The following NR3C2 variants were observed in gnomAD, a reference collection of about 807,000 sequenced individuals.
NR3C2 encodes the protein mineralocorticoid receptor.
In NR3C2, 15 loss-of-function variants were observed where a neutral mutation model predicts 86.4. That is an observed-to-expected ratio of 0.17 (90% confidence interval 0.12 to 0.27). The LOEUF is 0.27. Ranked by LOEUF, NR3C2 falls within the 10% of genes least tolerant of loss-of-function variation. The pLI is 1.00. For synonymous variants in NR3C2, 458 were observed against 450.5 expected, an observed-to-expected ratio of 1.02 and a Z score of -0.21; for missense variants, 960 against 1,195.6, an observed-to-expected ratio of 0.80 and a Z score of 2.91.
At chr4:148,281,844 A>C (rs1741261577) in intron 2 of NR3C2, among the ~76,000 whole-genome samples, 1 of 152,252 alleles carries the variant, frequency 6.6e-6, no homozygotes, top group Non-Finnish European at 1.5e-5. Context: ...GTACAAACAT[A>C]TGTAAAGATA....
chr4:148,119,935 A>G (rs935167082), intron 7 of NR3C2, among the ~76,000 whole-genome samples: 6 of 152,176 alleles, frequency 3.9e-5, no homozygotes, highest in Admixed American at 1.3e-4. Context: ...GGTTGGATGG[A>G]TGAAGGAATG....
At chr4:148,217,806 A>G (rs944996379) in intron 3 of NR3C2, among the ~76,000 whole-genome samples, 1 of 152,232 alleles carries the variant, frequency 6.6e-6, no homozygotes, top group African/African-American at 2.4e-5. Context: ...GCCTAGAGCT[A>G]TAAACTGAGA....
chr4:148,112,641 T>C (rs1053773709), intron 8 of NR3C2, among the ~76,000 whole-genome samples: 3 of 152,252 alleles, frequency 2.0e-5, no homozygotes, highest in Non-Finnish European at 2.9e-5. Flanking sequence ...AAACTATTTA[T>C]CACTGAGTTC....
intron 3 of NR3C2, among the ~76,000 whole-genome samples, chr4:148,201,496 T>C (rs1299061035): frequency 6.6e-6 from 1 of 152,198 alleles, no homozygotes; most frequent in African/African-American, 2.4e-5. Context: ...TTTTAACAAA[T>C]AAAAGAACTC....
At chr4:148,177,003 A>G (rs1003901791) in intron 4 of NR3C2, among the ~76,000 whole-genome samples, 7 of 152,194 alleles carry the variant, frequency 4.6e-5, no homozygotes, top group African/African-American at 1.7e-4. Context: ...CTGCCTTCAT[A>G]TTGTAGTTAA....
intron 2 of NR3C2, among the ~76,000 whole-genome samples, chr4:148,414,925 T>G (rs1046861725): frequency 3.3e-5 from 5 of 152,238 alleles, no homozygotes; most frequent in Admixed American, 3.3e-4. Flanking sequence ...ATGAAGTTAT[T>G]AACAGTATTA....
chr4:148,327,296 T>C (rs1221232715), intron 2 of NR3C2, among the ~76,000 whole-genome samples: 8 of 152,238 alleles, frequency 5.3e-5, no homozygotes, highest in Non-Finnish European at 1.2e-4. Context: ...AAGAAATATT[T>C]CAATTTCTGA....
intron 2 of NR3C2, among the ~76,000 whole-genome samples, chr4:148,297,984 G>C (rs1053283028): frequency 3.9e-5 from 6 of 151,970 alleles, no homozygotes; most frequent in African/African-American, 1.2e-4. Flanking sequence ...CTCAGGCACT[G>C]TTGGAAGGAG....
chr4:148,302,130 A>G (rs990566369), intron 2 of NR3C2, among the ~76,000 whole-genome samples: 1 of 152,186 alleles, frequency 6.6e-6, no homozygotes, highest in Non-Finnish European at 1.5e-5. Flanking sequence ...ATGGTTTACA[A>G]ACGCTATGGA....
intron 2 of NR3C2, among the ~76,000 whole-genome samples, chr4:148,336,481 TGGATAAATG>T (rs1202192513): frequency 2.6e-5 from 4 of 152,064 alleles, no homozygotes; most frequent in Non-Finnish European, 5.9e-5. Flanking sequence ...AATGGGAACT[TGGATAAATG>T]GGATAAATGG....
At chr4:148,329,451 C>T (rs1256132555) in intron 2 of NR3C2, among the ~76,000 whole-genome samples, 1 of 152,088 alleles carries the variant, frequency 6.6e-6, no homozygotes, top group African/African-American at 2.4e-5. Context: ...ATTCAAAGAA[C>T]AATTAGGATT....
chr4:148,399,699 C>T (rs1748046139), intron 2 of NR3C2, among the ~76,000 whole-genome samples: 1 of 152,010 alleles, frequency 6.6e-6, no homozygotes, highest in Non-Finnish European at 1.5e-5. Context: ...CACACACACA[C>T]ACACACACAC....
intron 4 of NR3C2, among the ~76,000 whole-genome samples, chr4:148,179,123 A>C (rs1735530110): frequency 6.6e-6 from 1 of 151,646 alleles, no homozygotes. Context: ...ATGAACAAAA[A>C]CCACAAAACG....
chr4:148,293,632 C>T (rs899909357), intron 2 of NR3C2, among the ~76,000 whole-genome samples: 2 of 152,132 alleles, frequency 1.3e-5, no homozygotes, highest in African/African-American at 4.8e-5. Context: ...CATTTGTATT[C>T]CATGTGAGTG....
chr4:148,410,638 C>A (rs1161244810), intron 2 of NR3C2, among the ~76,000 whole-genome samples: 1 of 152,102 alleles, frequency 6.6e-6, no homozygotes, highest in Admixed American at 6.5e-5. Flanking sequence ...AGGGACCTTT[C>A]ACTATAACTC....
At chr4:148,185,135 C>G (rs941224532) in intron 4 of NR3C2, among the ~76,000 whole-genome samples, 3 of 152,234 alleles carry the variant, frequency 2.0e-5, no homozygotes, top group African/African-American at 7.2e-5. Flanking sequence ...TACATTTACT[C>G]ATCAAATCTC....
chr4:148,326,455 A>C (rs1411926290), intron 2 of NR3C2, among the ~76,000 whole-genome samples: 2 of 152,022 alleles, frequency 1.3e-5, no homozygotes, highest in African/African-American at 2.4e-5. Flanking sequence ...TTTTTGAAGC[A>C]TCTGTATAAG....
At chr4:148,288,246 C>T (rs1741628886) in intron 2 of NR3C2, among the ~76,000 whole-genome samples, 1 of 152,192 alleles carries the variant, frequency 6.6e-6, no homozygotes, top group Admixed American at 6.5e-5. Context: ...TAATACCTAC[C>T]TCATAAGGAT....
At chr4:148,385,156 G>C (rs72656882) in intron 2 of NR3C2, among the ~76,000 whole-genome samples, 1 of 152,148 alleles carries the variant, frequency 6.6e-6, no homozygotes, top group Non-Finnish European at 1.5e-5. Flanking sequence ...CCAAAGAGGG[G>C]CTCTGAGAAA....
Sources: gnomAD v4.1 joint callset for allele counts (sites outside exome capture counted in the v4.1 genomes callset) on GRCh38, gnomAD v4.1.1 for gene constraint, MANE v1.5 for transcripts, NCBI Gene and HGNC (gene_info 2026-07-23, HGNC 2026-07-21) for gene names.